Variants in ATP8A2 observed in about 807,000 individuals in gnomAD.
The protein encoded by ATP8A2 is ATPase phospholipid transporting 8A2, also known as phospholipid-transporting ATPase IB.
Under a neutral mutation model 165.6 loss-of-function variants are expected in ATP8A2, and 100 were observed. That is an observed-to-expected ratio of 0.60 (90% CI 0.51 to 0.71). The LOEUF is 0.71. ATP8A2 is among the 30% of genes least tolerant of loss of function. ATP8A2 has a pLI of 0.00. For missense variants in ATP8A2, 1,227 were observed against 1,479.5 expected (o/e 0.83, Z 2.80); for synonymous variants, 543 against 548.8 (o/e 0.99, Z 0.15).
Position 25,808,634 on chromosome 13 carries a change from C to T in ATP8A2, c.2680-19484C>T, listed in dbSNP as rs545418973. On this transcript the variant is annotated intron_variant, in intron 27 of 36. Coordinates refer to ENST00000381655, the MANE Select transcript of ATP8A2 (RefSeq NM_016529.6). ...AAAAATTTTTTTTTTGTAGAGTTGT[C>T]TCACTGTGTCACCCAAGCTGTTCTC... 4.6e-5 allele frequency among the ~76,000 whole-genome samples: 7 copies of T among 151,364 alleles called. No individual in the cohort carries two copies. The East Asian group carries it at 5.8e-4, about 13-fold the overall frequency.
intron 27 of ATP8A2, among the ~76,000 whole-genome samples, chr13:25,800,759 C>T (rs1950606318): frequency 9.1e-6 from 1 of 109,810 alleles, no homozygotes; most frequent in Admixed American, 1.1e-4. Context: ...TGTCTCCACC[C>T]ATGCCTGGAA....
intron 35 of ATP8A2, among the ~76,000 whole-genome samples, chr13:25,984,080 A>T (rs768101380): frequency 1.3e-5 from 2 of 151,750 alleles, no homozygotes; most frequent in African/African-American, 4.8e-5. Flanking sequence ...CAAAAGTTTT[A>T]AAAAAAATTA....
intron 25 of ATP8A2, among the ~76,000 whole-genome samples, chr13:25,720,453 C>A (rs996493617): frequency 6.6e-6 from 1 of 152,100 alleles, no homozygotes; most frequent in Non-Finnish European, 1.5e-5. Flanking sequence ...TGAGCCACTG[C>A]GCCTGGCCAC....
chr13:25,392,302 G>A (rs1006003832), intron 1 of ATP8A2, among the ~76,000 whole-genome samples: 1 of 152,190 alleles, frequency 6.6e-6, no homozygotes, highest in Non-Finnish European at 1.5e-5. Context: ...TTTGGGACCC[G>A]AGTCATGTGA....
intron 25 of ATP8A2, among the ~76,000 whole-genome samples, chr13:25,749,432 G>T (rs1002735887): frequency 6.6e-6 from 1 of 152,198 alleles, no homozygotes; most frequent in South Asian, 2.1e-4. Context: ...GCCGAGGGGA[G>T]TCCAGATGCG....
chr13:25,810,279 G>C (rs1950834923), intron 27 of ATP8A2, among the ~76,000 whole-genome samples: 1 of 152,184 alleles, frequency 6.6e-6, no homozygotes, highest in Admixed American at 6.5e-5. Flanking sequence ...TTAAAGATGA[G>C]AATTTGAATG....
intron 2 of ATP8A2, among the ~76,000 whole-genome samples, chr13:25,478,984 A>T (rs1341277434): frequency 6.6e-6 from 1 of 152,006 alleles, no homozygotes; most frequent in Non-Finnish European, 1.5e-5. Flanking sequence ...AGTAGCTGGG[A>T]CTACAGGCAC....
At chr13:25,707,610 T>C (rs969671682) in intron 25 of ATP8A2, among the ~76,000 whole-genome samples, 2 of 152,238 alleles carry the variant, frequency 1.3e-5, no homozygotes, top group Non-Finnish European at 2.9e-5. Flanking sequence ...ACTGAGTGAA[T>C]AGACGTGGAT....
At chr13:25,584,742 T>G (rs557399578) in intron 23 of ATP8A2, among the ~76,000 whole-genome samples, 1 of 152,314 alleles carries the variant, frequency 6.6e-6, no homozygotes, top group African/African-American at 2.4e-5. Flanking sequence ...AAAAAATGCT[T>G]TCTGAAATTT....
At chr13:25,892,886 G>A (rs1019710086) in intron 33 of ATP8A2, among the ~76,000 whole-genome samples, 13 of 151,924 alleles carry the variant, frequency 8.6e-5, no homozygotes, top group African/African-American at 3.1e-4. Flanking sequence ...AATACCCAGG[G>A]CTGAAAACAT....
At chr13:25,513,623 T>C (rs2037354005) in intron 2 of ATP8A2, among the ~76,000 whole-genome samples, 1 of 151,792 alleles carries the variant, frequency 6.6e-6, no homozygotes. Flanking sequence ...AGGTGGAGGT[T>C]GTAGCGAGCC....
chr13:25,966,694 C>CT (rs1955785379), intron 34 of ATP8A2, among the ~76,000 whole-genome samples: 1 of 152,204 alleles, frequency 6.6e-6, no homozygotes, highest in African/African-American at 2.4e-5. Context: ...CGCACAATGC[C>CT]TGGGAGCACT....
rs528021240 is a variant in ATP8A2 at position 25,464,190 on chromosome 13, A to G, written c.77-4787A>G. 5.9e-5 allele frequency among the ~76,000 whole-genome samples: 9 copies of G among 152,232 alleles called. No individual in the cohort carries two copies. In the South Asian group the frequency reaches 1.9e-3, roughly 32 times the overall value. On this transcript the variant is annotated intron_variant, in intron 1 of 36. Coordinates refer to ENST00000381655, the MANE Select transcript of ATP8A2 (RefSeq NM_016529.6). ...TAACAGCATCTGTGCTAGATTATCT[A>G]AAATCCTGGGCACCTGGTGGTGATC...
chr13:25,467,614 G>C (rs1481453832), intron 1 of ATP8A2, among the ~76,000 whole-genome samples: 1 of 150,984 alleles, frequency 6.6e-6, no homozygotes, highest in Non-Finnish European at 1.5e-5. Flanking sequence ...GCAGTGGCGC[G>C]ATCTCAGCTC....
chr13:26,010,334 C>A (rs1309267358), intron 35 of ATP8A2, among the ~76,000 whole-genome samples: 2 of 152,128 alleles, frequency 1.3e-5, no homozygotes, highest in Non-Finnish European at 2.9e-5. Context: ...CTGGGATGGC[C>A]AGGGTGGTTC....
intron 27 of ATP8A2, among the ~76,000 whole-genome samples, chr13:25,793,964 G>A (rs1326782878): frequency 3.9e-5 from 6 of 152,168 alleles, no homozygotes; most frequent in Admixed American, 2.6e-4. Context: ...CTGGAGAATG[G>A]TTTAAGCCAT....
At chr13:25,692,510 T>C (rs954498447) in intron 24 of ATP8A2, among the ~76,000 whole-genome samples, 2 of 152,188 alleles carry the variant, frequency 1.3e-5, no homozygotes, top group African/African-American at 4.8e-5. Context: ...TGCAAATCGG[T>C]AGAAATGCAT....
At chr13:25,943,591 G>A (rs565539887) in intron 33 of ATP8A2, among the ~76,000 whole-genome samples, 1 of 152,124 alleles carries the variant, frequency 6.6e-6, no homozygotes, top group African/African-American at 2.4e-5. Context: ...CCACAACAAC[G>A]CACTCACCTA....
chr13:26,012,460 C>T (rs1330406365), intron 35 of ATP8A2, 71 bp from the exon 36 acceptor site: 2 of 1,284,482 alleles, frequency 1.6e-6, no homozygotes, highest in Non-Finnish European at 2.2e-6. Flanking sequence ...ATCCCACCCC[C>T]TTCTGTCTGT....
Sources: gnomAD v4.1 joint callset for allele counts (sites outside exome capture counted in the v4.1 genomes callset) on GRCh38, gnomAD v4.1.1 for gene constraint, MANE v1.5 for transcripts, NCBI Gene and HGNC (gene_info 2026-07-23, HGNC 2026-07-21) for gene names.